Variants in CABP4 observed in about 807,000 individuals in gnomAD.
The protein encoded by CABP4 is calcium-binding protein 4.
Under a neutral mutation model 30.7 loss-of-function variants are expected in CABP4, and 30 were observed. The observed-to-expected ratio is 0.98, with a 90% CI of 0.73 to 1.33. The LOEUF is 1.33. CABP4 is among the 40% of genes most tolerant of loss of function. The pLI, the probability that CABP4 is intolerant of heterozygous loss-of-function variation, is 0.00. For missense variants in CABP4, 424 were observed against 395.5 expected, an observed-to-expected ratio of 1.07 and a Z score of -0.61; for synonymous variants, 161 against 159.2, an observed-to-expected ratio of 1.01 and a Z score of -0.08.
At chr11:67,452,598 C>G, upstream of CABP4, 1 of 1,612,548 alleles carries the variant, frequency 6.2e-7, no homozygotes, top group Non-Finnish European at 8.5e-7. Flanking sequence ...GCTGGCAGCC[C>G]AAGGAGCAGC....
rs548141133 is a variant in CABP4 at position 67,458,696 on chromosome 11, C to T, written c.*37C>T. 6.2e-7 allele frequency: 1 copy of T among 1,613,124 alleles called. No individual in the cohort carries two copies. Among genetic ancestry groups the T allele is most frequent in the East Asian group, 2.2e-5 (1 of 44,888 alleles). On this transcript the variant is annotated 3_prime_UTR_variant, in exon 6 of 6. Transcript: ENST00000325656. ...GGAATATCTGTTGCCCCTGCGGCCC[C>T]AGACACCAGCCAGACCCAGGCTGCA...
chr11:67,452,993 C>T, upstream of CABP4: 1 of 385,106 alleles, frequency 2.6e-6, no homozygotes. Context: ...TGCCAGGGCT[C>T]AACCCAGACT....
At chr11:67,452,773 C>G, upstream of CABP4, 1 of 1,429,848 alleles carries the variant, frequency 7.0e-7, no homozygotes, top group Non-Finnish European at 9.5e-7. Context: ...CCTGGTGAAT[C>G]AATGATGGTG....
rs1451375551 is a variant in CABP4 at position 67,460,896 on chromosome 11, A to G, written c.*2237A>G. 6.6e-6 allele frequency among the ~76,000 whole-genome samples: 1 copy of G among 150,930 alleles called. No homozygotes were observed. Among genetic ancestry groups the G allele is most frequent in the Non-Finnish European group, 1.5e-5 (1 of 67,640 alleles). On this transcript the variant is annotated 3_prime_UTR_variant, in exon 6 of 6. Transcript: ENST00000325656. ...GCTACTAGGGAGGCTGAGGCAAGAGAATGGCGTGAACCCAGGAGGCGGAGC... is the reference window on the plus strand; with the variant it reads ...GCTACTAGGGAGGCTGAGGCAAGAGGATGGCGTGAACCCAGGAGGCGGAGC...
chr11:67,461,617 T>C lies in CABP4; in HGVS notation c.*2958T>C, dbSNP rs936395339. ...CTTTCTGTAAAGGGCTGGAGAATAA[T>C]TATTTTCAGCTTTGAGGCTTTGGTC... On this transcript the variant is annotated 3_prime_UTR_variant, in exon 6 of 6. Coordinates refer to ENST00000325656, the MANE Select transcript of CABP4 (RefSeq NM_145200.5). 2.0e-5 allele frequency: 3 copies of C among 152,204 alleles called. No individual in the cohort carries two copies. Among genetic ancestry groups the C allele is most frequent in the Non-Finnish European group, 2.9e-5 (2 of 68,028 alleles). The allele number at this position is 152,204 out of a possible 1,614,324, so 9.4% of individuals were successfully genotyped here. A position where few individuals can be genotyped will look rare whatever the true frequency, so the allele number is the denominator to read the frequency against.
chr11:67,454,883 C>T (rs1864702385), upstream of CABP4, among the ~76,000 whole-genome samples: 1 of 152,216 alleles, frequency 6.6e-6, no homozygotes, highest in Admixed American at 6.5e-5. Context: ...CCATTTCACA[C>T]ACCCTCTGCT....
In CABP4 at chr11:67,461,413, A is replaced by G. The variant is rs185206750; in HGVS notation, c.*2754A>G. ...TCCATAAAGACTTCCACAGACTTCA[A>G]CTCCCCAGATTGAAGGAACAAACTG... On this transcript the variant is annotated 3_prime_UTR_variant, in exon 6 of 6. Coordinates refer to ENST00000325656, the MANE Select transcript of CABP4 (RefSeq NM_145200.5). Among the ~76,000 whole-genome samples the G allele has an allele frequency of 6.6e-6, 1 of 152,336 alleles. No homozygotes were observed. Among genetic ancestry groups the G allele is most frequent in the Admixed American group, 6.5e-5 (1 of 15,304 alleles).
At position 67,460,714 on chromosome 11, in the gene CABP4, G is replaced by A. The variant is rs1178903617; in HGVS notation, c.*2055G>A. Among the ~76,000 whole-genome samples the A allele has an allele frequency of 6.6e-6, 1 of 152,156 alleles. No individual in the cohort carries two copies. The highest frequency in any genetic ancestry group is 1.5e-5 in the Non-Finnish European group (1 of 68,032). ...AAGTCACTGGAAGGCTGGGTGTGGT[G>A]GCTCACGCCTGTAATCCCAGCACTT... On this transcript the variant is annotated 3_prime_UTR_variant, in exon 6 of 6. Transcript: ENST00000325656.
At chr11:67,453,784 C>T (rs770785365), upstream of CABP4, 5 of 152,082 alleles carry the variant, frequency 3.3e-5, no homozygotes, top group Non-Finnish European at 7.4e-5. Context: ...GTTTGAAGAC[C>T]GTTTGGTCCG....
chr11:67,458,497 G>T lies in CABP4; in HGVS notation c.778G>T (p.Asp260Tyr). 2 of 1,614,094 alleles carry T rather than the reference G, an allele frequency of 1.2e-6. No homozygotes were observed. The highest frequency in any genetic ancestry group is 1.7e-6 in the Non-Finnish European group (2 of 1,180,024). The change falls in exon 5 of 6, where the codon GAT becomes TAT. Residue 260 changes from aspartate (D) to tyrosine (Y), a missense_variant. Asp to Tyr is a radical substitution (Grantham distance 160). Transcript: ENST00000325656. ...EMLREVDLNG[D>Y]GTVDFDEFVM... ...GCTCCGAGAAGTGGACCTCAATGGG[G>T]ATGGCACCGTAGACTTTGACGGTGA... is the stretch of plus-strand genomic sequence containing the variant.
chr11:67,453,049 C>G (rs181755231), upstream of CABP4: 49 of 238,264 alleles, frequency 2.1e-4, no homozygotes, highest in African/African-American at 1.1e-3. Flanking sequence ...GGGCCTTGCT[C>G]TATTGCCCAG....
Position 67,458,668 on chromosome 11 carries a change from G to A in CABP4, c.*9G>A, listed in dbSNP as rs931592206. On this transcript the variant is annotated 3_prime_UTR_variant, in exon 6 of 6. Transcript: ENST00000325656. ...TGCTCTCCCGCCACTGAGGCTCCAGGAGGGAATATCTGTTGCCCCTGCGGC... is the reference window on the plus strand; with the variant it reads ...TGCTCTCCCGCCACTGAGGCTCCAGAAGGGAATATCTGTTGCCCCTGCGGC... The A allele has an allele frequency of 1.5e-5, 25 of 1,613,866 alleles. No individual in the cohort carries two copies. The highest frequency in any genetic ancestry group is 1.0e-4 in the Admixed American group (6 of 59,996).
rs1200587854 is a variant in CABP4, at chr11:67,460,287, C to T, written c.*1628C>T. 6.6e-6 allele frequency: 1 copy of T among 152,106 alleles called. No individual in the cohort carries two copies. The highest frequency in any genetic ancestry group is 2.4e-5 in the African/African-American group (1 of 41,380). The allele number at this position is 152,106 out of a possible 1,614,324, so 9.4% of individuals were successfully genotyped here. A position where few individuals can be genotyped will look rare whatever the true frequency, so the allele number is the denominator to read the frequency against. ...CCAGCCTGGGCAACATGGTGAAACC[C>T]TGTCTCTACTAAAAATACAAAAATT... On this transcript the variant is annotated 3_prime_UTR_variant, in exon 6 of 6. Transcript: ENST00000325656.
At chr11:67,453,920 C>T (rs547155137), upstream of CABP4, among the ~76,000 whole-genome samples, 1 of 152,170 alleles carries the variant, frequency 6.6e-6, no homozygotes, top group African/African-American at 2.4e-5. Flanking sequence ...CAGTGGGAAC[C>T]CCCTCCCCTC....
rs373263875 is a variant in CABP4 at position 67,457,666 on chromosome 11, G to A, written c.635G>A (p.Arg212His). 6.3e-6 allele frequency: 10 copies of A among 1,593,530 alleles called. No homozygotes were observed. The highest frequency in any genetic ancestry group is 2.7e-5 in the African/African-American group (2 of 74,670). ...TAHMLGVREL[R>H]IAFREFDRDR... ...CACATGCTGGGGGTGCGAGAGCTGC[G>A]CATCGCCTTCCGAGAGGTGCGGAGT... The change falls in exon 4 of 6, where the codon CGC (arginine) becomes CAC (histidine). Residue 212 changes from arginine (R) to histidine (H), a missense_variant. By Grantham distance (29) the Arg-to-His change is conservative. Coordinates refer to ENST00000325656, the MANE Select transcript of CABP4 (RefSeq NM_145200.5).
rs777236473 is a variant in CABP4 at position 67,455,669 on chromosome 11, CGCACCCCCT to C, written c.250_258del (p.Pro84_Ala86del). The stretch of plus-strand genomic sequence containing the variant: ...CCAGCACTGGAGAGGGGCCGGCGGG[CGCACCCCCT>C]GCATCCCCTGGGCCGGCCTCTTCTC... On this transcript the variant is annotated inframe_deletion, in exon 1 of 6. Transcript: ENST00000325656. 2.5e-6 allele frequency: 4 copies of C among 1,607,084 alleles called. No individual in the cohort carries two copies. In the South Asian group the frequency reaches 3.3e-5, roughly 13 times the overall value.
intron 1 of CABP4, 88 bp from the exon 2 acceptor site, chr11:67,456,100 G>T (rs552674245): frequency 6.2e-7 from 1 of 1,612,258 alleles, no homozygotes; most frequent in African/African-American, 1.3e-5. Flanking sequence ...GCTGGGCCCT[G>T]CCCAGGCCAA....
chr11:67,454,441 C>G (rs974767590), upstream of CABP4, among the ~76,000 whole-genome samples: 1 of 152,148 alleles, frequency 6.6e-6, no homozygotes, highest in Non-Finnish European at 1.5e-5. Flanking sequence ...TGGATCAGAG[C>G]CCCAGGCACC....
chr11:67,454,754 C>T (rs61889862), upstream of CABP4, among the ~76,000 whole-genome samples: 3,116 of 152,324 alleles, frequency 0.02, 36 homozygotes, highest in South Asian at 0.059. Flanking sequence ...TCAGACCCTC[C>T]TCCCCAGGGC....
Sources: gnomAD v4.1 joint callset for allele counts (sites outside exome capture counted in the v4.1 genomes callset) on GRCh38, gnomAD v4.1.1 for gene constraint, MANE v1.5 for transcripts, NCBI Gene and HGNC (gene_info 2026-07-23, HGNC 2026-07-21) for gene names.